Variants in TMEM178B observed in about 807,000 individuals in gnomAD.
TMEM178B encodes the protein transmembrane protein 178B.
In TMEM178B, 5 loss-of-function variants were observed where a neutral mutation model predicts 31.0. The observed-to-expected ratio is 0.16, with a 90% confidence interval of 0.08 to 0.34. The LOEUF (loss-of-function observed/expected upper bound fraction) is 0.34, where lower values mean the gene tolerates loss of function less well. Ranked by LOEUF, TMEM178B falls within the 10% of genes least tolerant of loss-of-function variation. The pLI, the probability that TMEM178B is intolerant of heterozygous loss-of-function variation, is 1.00. For synonymous variants in TMEM178B, 164 were observed against 164.0 expected (o/e 1.00, Z 0.00); for missense variants, 275 against 400.3 (o/e 0.69, Z 2.67).
At chr7:141,291,363 G>A (rs982336760) in intron 2 of TMEM178B, among the ~76,000 whole-genome samples, 4 of 152,024 alleles carry the variant, frequency 2.6e-5, no homozygotes, top group Non-Finnish European at 5.9e-5. Flanking sequence ...ATTAACAGAC[G>A]GTGCCTATCG....
intron 2 of TMEM178B, among the ~76,000 whole-genome samples, chr7:141,337,844 T>A (rs1312341307): frequency 6.7e-6 from 1 of 149,714 alleles, no homozygotes; most frequent in African/African-American, 2.4e-5. Context: ...ATGGTTTGAT[T>A]TTTTTTTTTT....
intron 1 of TMEM178B, among the ~76,000 whole-genome samples, chr7:141,197,917 G>A (rs10240588): frequency 0.052 from 7,919 of 152,240 alleles, 643 homozygotes; most frequent in African/African-American, 0.17. Flanking sequence ...ACAGGCATGA[G>A]CCACCGCACC....
At chr7:141,199,029 A>T (rs945529467) in intron 1 of TMEM178B, among the ~76,000 whole-genome samples, 11 of 152,200 alleles carry the variant, frequency 7.2e-5, no homozygotes, top group African/African-American at 2.4e-4. Context: ...TGGAAAATAC[A>T]TGAGCGAAGT....
At chr7:141,250,515 A>G (rs1414837736) in intron 2 of TMEM178B, among the ~76,000 whole-genome samples, 1 of 152,244 alleles carries the variant, frequency 6.6e-6, no homozygotes, top group African/African-American at 2.4e-5. Flanking sequence ...GAAAGAAAGC[A>G]TGACAGAGTA....
At chr7:141,110,759 A>G (rs1452239428) in intron 1 of TMEM178B, among the ~76,000 whole-genome samples, 1 of 152,202 alleles carries the variant, frequency 6.6e-6, no homozygotes, top group Non-Finnish European at 1.5e-5. Context: ...CCCTGACCCT[A>G]GTGTGGCTGT....
chr7:141,210,640 A>G (rs1437641715), intron 1 of TMEM178B, among the ~76,000 whole-genome samples: 1 of 152,162 alleles, frequency 6.6e-6, no homozygotes, highest in Admixed American at 6.5e-5. Flanking sequence ...TGGCTCCTTC[A>G]GTGCCCTAGG....
At chr7:141,458,266 C>T (rs988509190) in intron 3 of TMEM178B, among the ~76,000 whole-genome samples, 5 of 152,012 alleles carry the variant, frequency 3.3e-5, no homozygotes, top group African/African-American at 4.8e-5. Context: ...ATTACAGGTG[C>T]GTGCCACCAC....
the TMEM178B span, among the ~76,000 whole-genome samples, chr7:141,508,221 C>A: frequency 1.3e-5 from 2 of 152,296 alleles, no homozygotes; most frequent in South Asian, 4.1e-4. Flanking sequence ...ATCTCTAGGG[C>A]AGGGGCAAAA....
At chr7:141,291,222 C>A (rs217019) in intron 2 of TMEM178B, among the ~76,000 whole-genome samples, 1 of 152,088 alleles carries the variant, frequency 6.6e-6, no homozygotes, top group Non-Finnish European at 1.5e-5. Context: ...GTTCTGTACT[C>A]GATTACCTCA....
intron 1 of TMEM178B, among the ~76,000 whole-genome samples, chr7:141,162,322 C>G (rs1046482975): frequency 3.9e-5 from 6 of 152,236 alleles, no homozygotes; most frequent in Admixed American, 3.9e-4. Context: ...GCTCTGTGGC[C>G]TGACCGTCCT....
intron 2 of TMEM178B, among the ~76,000 whole-genome samples, chr7:141,240,884 G>A (rs1308716407): frequency 6.6e-6 from 1 of 152,254 alleles, no homozygotes; most frequent in South Asian, 2.1e-4. Context: ...TGAAAGGTGG[G>A]TGCTGGGAAG....
chr7:141,100,005 G>C (rs1795027339), intron 1 of TMEM178B, among the ~76,000 whole-genome samples: 1 of 152,040 alleles, frequency 6.6e-6, no homozygotes, highest in Admixed American at 6.6e-5. Flanking sequence ...ATTGTTAGTA[G>C]AGATGGGGTT....
chr7:141,372,745 A>T (rs1317100566), intron 2 of TMEM178B, among the ~76,000 whole-genome samples: 7 of 152,210 alleles, frequency 4.6e-5, no homozygotes, highest in Non-Finnish European at 1.0e-4. Context: ...AATGCAGAGA[A>T]CTGCTTTGAA....
intron 2 of TMEM178B, among the ~76,000 whole-genome samples, chr7:141,235,040 ATGAG>A (rs1797505870): frequency 6.6e-6 from 1 of 152,206 alleles, no homozygotes; most frequent in African/African-American, 2.4e-5. Context: ...TCATTTCAAT[ATGAG>A]TATTATTTAT....
At position 141,461,297 on chromosome 7, in the gene TMEM178B, A is replaced by T. The variant is rs1400547344; in HGVS notation, c.635-9239A>T. On this transcript the variant is annotated intron_variant, in intron 3 of 3. Transcript: ENST00000565468. The surrounding 1 kb of genome is among the most constrained non-coding windows in gnomAD (Gnocchi z 4.0). ...CGACCTGTAGGGCTCCAGTCAGAAC[A>T]TAGGCCCTCTCTCCACATAGCAACA... Among the ~76,000 whole-genome samples the T allele has an allele frequency of 6.6e-6, 1 of 152,216 alleles. No homozygotes were observed. The highest frequency in any genetic ancestry group is 6.5e-5 in the Admixed American group (1 of 15,282).
chr7:141,482,345 A>G (rs373930194), downstream of TMEM178B, among the ~76,000 whole-genome samples: 12 of 152,180 alleles, frequency 7.9e-5, no homozygotes, highest in East Asian at 9.7e-4. Context: ...TCTTTCCCTA[A>G]CCCTGTGGCA....
chr7:141,470,847 A>AT lies in TMEM178B; in HGVS notation c.*61_*62insT. 1.1e-6 allele frequency: 1 copy of AT among 934,720 alleles called. No individual in the cohort carries two copies. The highest frequency in any genetic ancestry group is 1.3e-6 in the Non-Finnish European group (1 of 754,808). The allele number at this position is 934,720 out of a possible 1,614,324, so 57.9% of individuals were successfully genotyped here. Reference sequence around the variant, plus strand: ...ATATATATATAATATACATATATAAAACAAAACAAAACTAAATCAAGACGA... The same window carrying AT: ...ATATATATATAATATACATATATAAATACAAAACAAAACTAAATCAAGACGA... On this transcript the variant is annotated 3_prime_UTR_variant, in exon 4 of 4. Coordinates refer to ENST00000565468, the MANE Select transcript of TMEM178B (RefSeq NM_001195278.2).
intron 2 of TMEM178B, among the ~76,000 whole-genome samples, chr7:141,350,471 ATAAT>A (rs1208561430): frequency 6.6e-6 from 1 of 152,196 alleles, no homozygotes; most frequent in Non-Finnish European, 1.5e-5. Flanking sequence ...TATGGAGAAG[ATAAT>A]TAATATTTGT....
rs1334234688 is a variant in TMEM178B at position 141,472,862 on chromosome 7, T to C, written c.*2076T>C. 6.6e-6 allele frequency: 1 copy of C among 152,182 alleles called. No individual in the cohort carries two copies. Among genetic ancestry groups the C allele is most frequent in the African/African-American group, 2.4e-5 (1 of 41,440 alleles). 9.4% of individuals were successfully genotyped at this position (152,182 alleles called of 1,614,324 possible). ...GCATGAATGGGGTTGAATGTGGATC[T>C]CTCTGTATGTGTATCTCTCTGGTGC... On this transcript the variant is annotated 3_prime_UTR_variant, in exon 4 of 4. Coordinates refer to ENST00000565468, the MANE Select transcript of TMEM178B (RefSeq NM_001195278.2).
Sources: gnomAD v4.1 joint callset for allele counts (sites outside exome capture counted in the v4.1 genomes callset) on GRCh38, gnomAD v4.1.1 for gene constraint, Gnocchi (gnomAD v3.1) non-coding constraint, MANE v1.5 for transcripts, NCBI Gene and HGNC (gene_info 2026-07-23, HGNC 2026-07-21) for gene names.